The following MGME1 variants were observed in gnomAD, a reference collection of about 807,000 sequenced individuals.
MGME1 encodes mitochondrial genome maintenance exonuclease 1, also known as chromosome 20 open reading frame 72.
MGME1 carries 22 observed loss-of-function variants against 33.0 expected under a neutral mutation model. The observed-to-expected ratio is 0.67, with a 90% CI of 0.48 to 0.95. MGME1 has a LOEUF of 0.95. Among genes scored for constraint, MGME1 ranks in the 40% least tolerant of loss-of-function variants. MGME1 has a pLI of 0.00. For missense variants in MGME1, 383 were observed against 397.8 expected (o/e 0.96, Z 0.32); for synonymous variants, 133 against 144.0 (o/e 0.92, Z 0.55).
rs780238276 is a variant in MGME1, at chr20:17,975,717, C to G, written c.545C>G (p.Ala182Gly). ...VFLQGKRFHE[A>G]LESILSPQET... is the part of the protein sequence containing the mutation. ...TTACAAGGGAAACGGTTCCACGAAG[C>G]CTTGGAAAGCATACTTTCACCCCAG... The change falls in exon 3 of 5, where the codon GCC becomes GGC. Residue 182 changes from alanine (A) to glycine (G), a missense_variant. By Grantham distance (60) the Ala-to-Gly change is moderately conservative. Coordinates refer to ENST00000377710, the MANE Select transcript of MGME1 (RefSeq NM_052865.4). 15 of 1,613,846 alleles carry G rather than the reference C, an allele frequency of 9.3e-6. No homozygotes were observed. The highest frequency in any genetic ancestry group is 1.3e-5 in the Non-Finnish European group (15 of 1,179,990).
At chr20:17,975,632 G>A in intron 2 of MGME1, 52 bp from the exon 3 acceptor site, 5 of 1,319,314 alleles carry the variant, frequency 3.8e-6, no homozygotes, top group Non-Finnish European at 5.4e-6. Flanking sequence ...GTTTTTCAGT[G>A]TTAGCTTTGT....
chr20:17,989,579 G>A (rs2036239972), intron 4 of MGME1, among the ~76,000 whole-genome samples: 1 of 149,660 alleles, frequency 6.7e-6, no homozygotes, highest in South Asian at 2.1e-4. Flanking sequence ...GCCGGAAGTG[G>A]TGCCCGCCTC....
intron 2 of MGME1, chr20:17,972,774 A>C (rs1431421398): frequency 1.0e-6 from 1 of 985,206 alleles, no homozygotes; most frequent in Non-Finnish European, 1.2e-6. Context: ...CGAGAAATGT[A>C]TGGTCTATTG....
intron 3 of MGME1, among the ~76,000 whole-genome samples, chr20:17,981,596 C>CTGGGA (rs1477560492): frequency 1.8e-4 from 28 of 152,118 alleles, no homozygotes; most frequent in Non-Finnish European, 4.0e-4. Flanking sequence ...TCACCTCAGC[C>CTGGGA]TCCCAAAGTG....
At position 17,990,120 on chromosome 20, in the gene MGME1, G is replaced by C; in HGVS notation, c.*11G>C. The C allele has an allele frequency of 6.2e-7, 1 of 1,613,298 alleles. No individual in the cohort carries two copies. Among genetic ancestry groups the C allele is most frequent in the African/African-American group, 1.3e-5 (1 of 75,030 alleles). On this transcript the variant is annotated 3_prime_UTR_variant, in exon 5 of 5. Coordinates refer to ENST00000377710, the MANE Select transcript of MGME1 (RefSeq NM_052865.4). ...GAATATTCAGAATAGGGAGCAAGTT[G>C]CTATTTGGGAACATTCAGCACCTTC...
At chr20:17,975,259 A>T (rs544983855) in intron 2 of MGME1, among the ~76,000 whole-genome samples, 156 of 152,142 alleles carry the variant, frequency 1.0e-3, no homozygotes, top group African/African-American at 3.6e-3. Context: ...TCACTTAAAA[A>T]TAACTAATGT....
chr20:17,990,163 A>G lies in MGME1; in HGVS notation c.*54A>G. ...GCACCTTCTCACAGTTTGGGAACAT[A>G]TATTGCTGTTTACTCCAGTGTAAAA... On this transcript the variant is annotated 3_prime_UTR_variant, in exon 5 of 5. Transcript: ENST00000377710. 2 of 1,515,240 alleles carry G rather than the reference A, an allele frequency of 1.3e-6. No individual in the cohort carries two copies. Among genetic ancestry groups the G allele is most frequent in the East Asian group, 2.3e-5 (1 of 44,282 alleles). 93.9% of individuals were successfully genotyped at this position (1,515,240 alleles called of 1,614,324 possible).
Position 17,970,231 on chromosome 20 carries a change from C to G in MGME1, c.372C>G (p.Pro124=), listed in dbSNP as rs201433996. The G allele has an allele frequency of 3.1e-6, 5 of 1,614,204 alleles. No individual in the cohort carries two copies. The East Asian group carries it at 1.1e-4, about 36-fold the overall frequency. Residue 124 remains proline, a synonymous_variant, in exon 2 of 5, where the codon CCC becomes CCG. Coordinates refer to ENST00000377710, the MANE Select transcript of MGME1 (RefSeq NM_052865.4). ...ATCCTTCAGTTCCTTTGAAAATCCC[C>G]TTGCAAAGGAATGTGATACCAAGTG... ...ASDPSVPLKI[P]LQRNVIPSVT... is the part of the protein sequence containing the mutation.
chr20:17,975,591 T>A, intron 2 of MGME1, 93 bp from the exon 3 acceptor site: 1 of 880,578 alleles, frequency 1.1e-6, no homozygotes, highest in Non-Finnish European at 1.8e-6. Context: ...TCATTTTTAA[T>A]TGTATTGTTT....
chr20:17,978,410 G>T (rs1440129548), intron 3 of MGME1, among the ~76,000 whole-genome samples: 6 of 152,176 alleles, frequency 3.9e-5, no homozygotes, highest in Non-Finnish European at 8.8e-5. Context: ...TCGCCATGTT[G>T]GCCAGGCTGG....
In MGME1 at chr20:17,982,513, C is replaced by T. The variant is rs2036049902; in HGVS notation, c.732-5653C>T. Among the ~76,000 whole-genome samples the T allele has an allele frequency of 2.6e-5, 4 of 152,324 alleles. No individual in the cohort carries two copies. The South Asian group carries it at 8.3e-4, about 32-fold the overall frequency. On this transcript the variant is annotated intron_variant, in intron 3 of 4. Coordinates refer to ENST00000377710, the MANE Select transcript of MGME1 (RefSeq NM_052865.4). Reference sequence around the variant, plus strand: ...GACTGCTTCTTAAATCTCCCAGGCACTTGTCACTTCACTTGTACTCAGGAT... The same window carrying T: ...GACTGCTTCTTAAATCTCCCAGGCATTTGTCACTTCACTTGTACTCAGGAT...
rs746885927 is a variant in MGME1, at chr20:17,969,871, G to C, written c.12G>C (p.Lys4Asn). Residue 4 changes from lysine (K) to asparagine (N), a missense_variant, in exon 2 of 5, where the codon AAG becomes AAC. Transcript: ENST00000377710. ...GAAAACAAATCTGAATGAAGATGAAGTTATTTCAGACCATTTGCAGGCAGC... is the reference window on the plus strand; with the variant it reads ...GAAAACAAATCTGAATGAAGATGAACTTATTTCAGACCATTTGCAGGCAGC... Reference protein sequence around the residue: MKMKLFQTICRQLR... With the variant: MKMNLFQTICRQLR... 1.3e-5 allele frequency: 21 copies of C among 1,608,132 alleles called. No homozygotes were observed. The highest frequency in any genetic ancestry group is 1.7e-4 in the Middle Eastern group (1 of 6,000).
At chr20:17,968,853 C>T, upstream of MGME1, 1 of 179,734 alleles carries the variant, frequency 5.6e-6, no homozygotes, top group Non-Finnish European at 1.2e-5. Flanking sequence ...TGGCAGCGAG[C>T]GCTGACGTCA....
At chr20:17,984,629 T>C (rs1188722870) in intron 3 of MGME1, among the ~76,000 whole-genome samples, 2 of 152,214 alleles carry the variant, frequency 1.3e-5, no homozygotes, top group Admixed American at 6.5e-5. Context: ...TTTACTATGA[T>C]TCTGACCCTG....
In MGME1 at chr20:17,985,297, C is replaced by T. The variant is rs540981299; in HGVS notation, c.732-2869C>T. Among the ~76,000 whole-genome samples, 33 of 152,140 alleles carry T rather than the reference C, an allele frequency of 2.2e-4. No homozygotes were observed. The South Asian group carries it at 6.8e-3, about 32-fold the overall frequency. On this transcript the variant is annotated intron_variant, in intron 3 of 4. Coordinates refer to ENST00000377710, the MANE Select transcript of MGME1 (RefSeq NM_052865.4). ...AATTAGCCAAGCGTGGTGGTGCATG[C>T]CTGTAATCCCAGCTATTTGGGAGGC...
At chr20:17,983,267 T>TTTTGTGTGTGTGTGTGTG (rs79417227) in intron 3 of MGME1, among the ~76,000 whole-genome samples, 1 of 142,578 alleles carries the variant, frequency 7.0e-6, no homozygotes, top group African/African-American at 2.6e-5. Flanking sequence ...TAGTGTTCTA[T>TTTTGTGTGTGTGTGTGTG]TGTGTGTGTG....
chr20:17,973,547 C>T (rs1165778818), intron 2 of MGME1, among the ~76,000 whole-genome samples: 1 of 150,968 alleles, frequency 6.6e-6, no homozygotes, highest in African/African-American at 2.4e-5. Context: ...GAAGCTGAGA[C>T]AGGAGGATTG....
In MGME1 at chr20:17,970,068, G is replaced by C. The variant is rs759878278; in HGVS notation, c.209G>C (p.Gly70Ala). 6.2e-7 allele frequency: 1 copy of C among 1,614,094 alleles called. No individual in the cohort carries two copies. Among genetic ancestry groups the C allele is most frequent in the African/African-American group, 1.3e-5 (1 of 74,934 alleles). Reference protein sequence around the residue: ...LSSRGVAQTPGSVEEDALLCG... With the variant: ...LSSRGVAQTPASVEEDALLCG... ...TCCAGAGGCGTCGCCCAGACCCCGGGATCGGTGGAGGAAGATGCTTTGCTC... is the reference window on the plus strand; with the variant it reads ...TCCAGAGGCGTCGCCCAGACCCCGGCATCGGTGGAGGAAGATGCTTTGCTC... Residue 70 changes from glycine (G) to alanine (A), a missense_variant, in exon 2 of 5, where the codon GGA (glycine) becomes GCA (alanine). Gly to Ala is a moderately conservative substitution (Grantham distance 60). Transcript: ENST00000377710.
intron 3 of MGME1, among the ~76,000 whole-genome samples, chr20:17,981,130 A>G (rs914651703): frequency 4.6e-5 from 7 of 152,112 alleles, no homozygotes; most frequent in Non-Finnish European, 1.0e-4. Flanking sequence ...ACACAGCATC[A>G]GGAGAACCTA....
Sources: allele counts gnomAD v4.1 joint callset (sites outside exome capture counted in the v4.1 genomes callset), GRCh38; gene constraint gnomAD v4.1.1; transcripts MANE v1.5; gene names NCBI Gene and HGNC (gene_info 2026-07-23, HGNC 2026-07-21).